The following COG6 variants were observed in gnomAD, a reference collection of about 807,000 sequenced individuals.
The protein encoded by COG6 is component of oligomeric golgi complex 6, also known as conserved oligomeric Golgi complex subunit 6.
COG6 carries 74 observed loss-of-function variants against 88.8 expected under a neutral mutation model. The observed-to-expected ratio is 0.83, with a 90% CI of 0.69 to 1.01. COG6 has a LOEUF of 1.01. COG6 is among the 50% of genes least tolerant of loss of function. The pLI, the probability that COG6 is intolerant of heterozygous loss-of-function variation, is 0.00. For missense variants in COG6, 800 were observed against 797.9 expected (o/e 1.00, Z -0.03); for synonymous variants, 286 against 278.7 (o/e 1.03, Z -0.26).
At chr13:39,790,420 C>A (rs1490927940) in exon 19 of COG6, 1 of 152,036 alleles carries the variant, frequency 6.6e-6, no homozygotes, top group Non-Finnish European at 1.5e-5. Context: ...CTTTTGTAGT[C>A]TTTTTCCCAT....
intron 17 of COG6, among the ~76,000 whole-genome samples, chr13:39,726,564 A>G (rs1879146049): frequency 6.6e-6 from 1 of 151,912 alleles, no homozygotes; most frequent in East Asian, 1.9e-4. Context: ...AAGGTACCTA[A>G]TTGGTGTCTT....
chr13:39,729,214 G>A (rs930771088), intron 18 of COG6, among the ~76,000 whole-genome samples: 10 of 152,168 alleles, frequency 6.6e-5, no homozygotes, highest in Admixed American at 2.6e-4. Flanking sequence ...CCTGTTGGGA[G>A]CACAAACCCT....
chr13:39,719,659 G>A lies in COG6; in HGVS notation c.1417-1G>A. 1 of 1,611,144 alleles carries A rather than the reference G, an allele frequency of 6.2e-7. No homozygotes were observed. Among genetic ancestry groups the A allele is most frequent in the Non-Finnish European group, 8.5e-7 (1 of 1,177,850 alleles). ...GAGTTCATTTTATTTTTCATTTGTA[G>A]GTTTTATCATGTGTCTTGGATCCTC... On this transcript the variant is annotated splice_acceptor_variant, in intron 14 of 18. Transcript: ENST00000455146. LOFTEE classifies it high-confidence loss of function.
intron 15 of COG6, among the ~76,000 whole-genome samples, chr13:39,722,988 A>T (rs1001812319): frequency 1.2e-4 from 19 of 152,074 alleles, no homozygotes; most frequent in African/African-American, 4.6e-4. Flanking sequence ...GGAGGTCAGG[A>T]ACATCAGGCC....
chr13:39,757,323 C>T (rs1880869233), downstream of COG6, among the ~76,000 whole-genome samples: 1 of 151,842 alleles, frequency 6.6e-6, no homozygotes, highest in African/African-American at 2.4e-5. Context: ...TGAAATGCAG[C>T]AAAAATAGTT....
At chr13:39,724,470 C>T (rs531564365) in intron 16 of COG6, 38 bp from the exon 17 acceptor site, 5 of 1,422,340 alleles carry the variant, frequency 3.5e-6, no homozygotes, top group South Asian at 2.4e-5. Context: ...TCCTTTTTTA[C>T]ATCTTGGATC....
chr13:39,680,790 A>G (rs1261925587), intron 7 of COG6, among the ~76,000 whole-genome samples: 3 of 151,948 alleles, frequency 2.0e-5, no homozygotes, highest in African/African-American at 7.3e-5. Flanking sequence ...TCTCATGTTG[A>G]TTCTACCCTG....
chr13:39,764,246 C>T (rs1881103207), intron 18 of COG6, among the ~76,000 whole-genome samples: 1 of 151,074 alleles, frequency 6.6e-6, no homozygotes, highest in Non-Finnish European at 1.5e-5. Flanking sequence ...TGTTTTCTTT[C>T]TTTCTTTTTT....
chr13:39,684,791 C>T (rs1252230539), intron 8 of COG6, among the ~76,000 whole-genome samples: 1 of 152,044 alleles, frequency 6.6e-6, no homozygotes, highest in East Asian at 1.9e-4. Flanking sequence ...ATTATTGTGT[C>T]TCAAATAATG....
intron 13 of COG6, among the ~76,000 whole-genome samples, chr13:39,707,061 GTATT>G (rs1370826561): frequency 1.3e-5 from 2 of 151,598 alleles, no homozygotes; most frequent in African/African-American, 2.4e-5. Flanking sequence ...TTTGAAATAA[GTATT>G]TAATAATAAT....
chr13:39,735,724 T>G (rs761185774), intron 18 of COG6, among the ~76,000 whole-genome samples: 1 of 63,616 alleles, frequency 1.6e-5, no homozygotes, highest in African/African-American at 5.5e-5. Flanking sequence ...TTTTTTTTTT[T>G]TGGTCTGGGA....
At chr13:39,733,162 A>C (rs1265806320) in intron 18 of COG6, among the ~76,000 whole-genome samples, 1 of 152,052 alleles carries the variant, frequency 6.6e-6, no homozygotes, top group African/African-American at 2.4e-5. Context: ...AATGCACTGT[A>C]AGAAATGGGT....
rs754384940 is a variant in COG6 at position 39,699,586 on chromosome 13, T to G, written c.1252T>G (p.Leu418Val). The G allele has an allele frequency of 3.9e-6, 6 of 1,551,920 alleles. No homozygotes were observed. Among genetic ancestry groups the G allele is most frequent in the South Asian group, 1.1e-5 (1 of 89,750 alleles). Residue 418 changes from leucine to valine, a missense_variant, in exon 13 of 19, where the codon TTG (leucine) becomes GTG (valine). Leu to Val is a conservative substitution (Grantham distance 32). Transcript: ENST00000455146. ...AAGCAAAAAAATATTCTTCAATAGC[T>G]TGAGTCTTCATGCAAGTAAATTAAT... is the stretch of plus-strand genomic sequence containing the variant. The part of the protein sequence containing the change: ...LLSKKIFFNS[L>V]SLHASKLMDK...
intron 13 of COG6, among the ~76,000 whole-genome samples, chr13:39,710,850 T>C (rs2138058459): frequency 6.6e-6 from 1 of 152,140 alleles, no homozygotes; most frequent in East Asian, 1.9e-4. Context: ...TTTTCTTTTT[T>C]TTTTTGACAT....
intron 18 of COG6, among the ~76,000 whole-genome samples, chr13:39,738,470 AAAG>A (rs1228743946): frequency 6.6e-6 from 1 of 152,320 alleles, no homozygotes; most frequent in East Asian, 1.9e-4. Flanking sequence ...AATTGTATCA[AAAG>A]AAGGTGAAAA....
chr13:39,657,074 A>G (rs1417715316), intron 1 of COG6, among the ~76,000 whole-genome samples: 1 of 152,158 alleles, frequency 6.6e-6, no homozygotes, highest in Non-Finnish European at 1.5e-5. Context: ...CTTTTTGCCC[A>G]AGCTGGAGTG....
intron 18 of COG6, among the ~76,000 whole-genome samples, chr13:39,772,846 C>T (rs1172637055): frequency 6.6e-6 from 1 of 152,224 alleles, no homozygotes; most frequent in Non-Finnish European, 1.5e-5. Flanking sequence ...AATGTTCCAG[C>T]CAGAGGCTCT....
intron 4 of COG6, among the ~76,000 whole-genome samples, chr13:39,676,460 A>G (rs1318500169): frequency 6.6e-6 from 1 of 152,068 alleles, no homozygotes; most frequent in Non-Finnish European, 1.5e-5. Flanking sequence ...TGTATATTCA[A>G]TTAGGTGATT....
At chr13:39,754,406 A>G (rs1880765248), downstream of COG6, among the ~76,000 whole-genome samples, 1 of 152,220 alleles carries the variant, frequency 6.6e-6, no homozygotes, top group South Asian at 2.1e-4. Context: ...ATGTGGATAC[A>G]TGTAAAGGTG....
Sources: allele counts gnomAD v4.1 joint callset (sites outside exome capture counted in the v4.1 genomes callset), GRCh38; gene constraint gnomAD v4.1.1; transcripts MANE v1.5; gene names NCBI Gene and HGNC (gene_info 2026-07-23, HGNC 2026-07-21).